Variants in ASNS observed in about 807,000 individuals in gnomAD.
ASNS encodes asparagine synthetase (glutamine-hydrolyzing), also known as asparagine synthetase [glutamine-hydrolyzing].
ASNS carries 37 observed loss-of-function variants against 62.6 expected under a neutral mutation model. The observed-to-expected ratio is 0.59, with a 90% CI of 0.45 to 0.78. ASNS has a LOEUF of 0.78. Ranked by LOEUF, ASNS falls within the 30% of genes least tolerant of loss-of-function variation. The pLI is 0.00. For missense variants in ASNS, 520 were observed against 682.4 expected (o/e 0.76, Z 2.65); for synonymous variants, 207 against 237.9 (o/e 0.87, Z 1.19).
intron 3 of ASNS, among the ~76,000 whole-genome samples, chr7:97,866,866 G>T (rs1217144140): frequency 6.6e-6 from 1 of 152,158 alleles, no homozygotes; most frequent in Non-Finnish European, 1.5e-5. Flanking sequence ...GTAACTAGCA[G>T]GTGGGGGCCT....
At chr7:97,927,233 CTT>C in the ASNS span, among the ~76,000 whole-genome samples, 1 of 152,140 alleles carries the variant, frequency 6.6e-6, no homozygotes, top group African/African-American at 2.4e-5. Context: ...AACCTTGTCT[CTT>C]GTGATGCACC....
intron 4 of ASNS, chr7:97,863,028 T>A (rs934483558): frequency 3.9e-5 from 6 of 152,338 alleles, no homozygotes; most frequent in African/African-American, 1.2e-4. Flanking sequence ...GAAATTTTAA[T>A]ACACTGCTGG....
chr7:97,919,072 T>G, the ASNS span, among the ~76,000 whole-genome samples: 1 of 147,670 alleles, frequency 6.8e-6, no homozygotes, highest in African/African-American at 2.6e-5. Context: ...TACATAAATA[T>G]TTTTTTTTTG....
At chr7:97,856,912 C>T in intron 7 of ASNS, 96 bp from the exon 8 acceptor site, 3 of 1,278,420 alleles carry the variant, frequency 2.3e-6, no homozygotes, top group Non-Finnish European at 3.3e-6. Context: ...TATGAATTAA[C>T]AATGGTGAAA....
At chr7:97,876,225 T>G (rs530820999), upstream of ASNS, among the ~76,000 whole-genome samples, 92 of 152,276 alleles carry the variant, frequency 6.0e-4, no homozygotes, top group African/African-American at 2.1e-3. Flanking sequence ...GATGTGAAGG[T>G]GAAAAGCAGA....
chr7:97,864,446 T>A lies in ASNS; in HGVS notation c.300A>T (p.Ile100=). ...CTCCTTTGTCATAAAGATGAAGGAT[T>A]ATCTCACCATCCACTTTGGTCTGGT... ...FEYQTKVDGE[I]ILHLYDKGGI... The change falls in exon 4 of 13, where the codon ATA becomes ATT. Residue 100 remains isoleucine, a synonymous_variant. Transcript: ENST00000394308. 1 of 1,613,978 alleles carries A rather than the reference T, an allele frequency of 6.2e-7. No individual in the cohort carries two copies.
chr7:97,916,108 C>A, the ASNS span, among the ~76,000 whole-genome samples: 1 of 152,158 alleles, frequency 6.6e-6, no homozygotes, highest in Non-Finnish European at 1.5e-5. Context: ...TCCAGCCAGG[C>A]ATGGTGGCTC....
intron 9 of ASNS, 139 bp from the exon 10 acceptor site, chr7:97,854,819 T>A: frequency 6.8e-7 from 1 of 1,467,690 alleles, no homozygotes. Flanking sequence ...TGAACAGAGG[T>A]AAGCAATGCT....
chr7:97,862,974 C>A (rs986675689), intron 4 of ASNS: 1 of 152,110 alleles, frequency 6.6e-6, no homozygotes, highest in African/African-American at 2.4e-5. Flanking sequence ...ACTAGAATGG[C>A]TAGAATTAAA....
At chr7:97,885,772 T>C in the ASNS span, 2 of 247,630 alleles carry the variant, frequency 8.1e-6, no homozygotes, top group African/African-American at 4.4e-5. Context: ...GGTCAACATG[T>C]ATAAAATATT....
intron 4 of ASNS, among the ~76,000 whole-genome samples, chr7:97,860,999 A>G (rs1562818260): frequency 6.9e-6 from 1 of 144,816 alleles, no homozygotes; most frequent in African/African-American, 2.6e-5. Flanking sequence ...TAAGTGGATT[A>G]GTTCAAAACT....
At chr7:97,857,729 C>A (rs781259973) in intron 7 of ASNS, among the ~76,000 whole-genome samples, 4 of 152,004 alleles carry the variant, frequency 2.6e-5, no homozygotes, top group Admixed American at 6.6e-5. Flanking sequence ...GACCTCCCCC[C>A]ACAGCCTCCC....
Position 97,868,910 on chromosome 7 carries a change from T to C in ASNS, c.247A>G (p.Lys83Glu). The C allele has an allele frequency of 6.2e-7, 1 of 1,613,814 alleles. No homozygotes were observed. The highest frequency in any genetic ancestry group is 8.5e-7 in the Non-Finnish European group (1 of 1,179,946). Residue 83 changes from lysine (K) to glutamate (E), a missense_variant and splice_region_variant, in exon 3 of 13, where the codon AAG becomes GAG. Transcript: ENST00000394308. ...ACATCTGGTTTCTTTCTCCTCACCT[T>C]CTTATGGTTGTAGATTTCACCATTG... Reference protein sequence around the residue: ...CYNGEIYNHKKMQQHFEFEYQ... With the variant: ...CYNGEIYNHKEMQQHFEFEYQ...
chr7:97,903,259 T>A, the ASNS span, among the ~76,000 whole-genome samples: 4 of 132,294 alleles, frequency 3.0e-5, no homozygotes, highest in Non-Finnish European at 6.6e-5. Flanking sequence ...TTTTTTTTTT[T>A]AATCAGCCTG....
chr7:97,856,827 A>G lies in ASNS; in HGVS notation c.904-11T>C. 6.3e-7 allele frequency: 1 copy of G among 1,591,926 alleles called. No homozygotes were observed. The highest frequency in any genetic ancestry group is 1.1e-5 in the South Asian group (1 of 87,930). On this transcript the variant is annotated splice_polypyrimidine_tract_variant and intron_variant, in intron 7 of 12. Coordinates refer to ENST00000394308, the MANE Select transcript of ASNS (RefSeq NM_001673.5). ...AATATGATCTGCCACCTTATTATAT[A>G]AAGAAATACCCATTTACTTGTTAAA...
the ASNS span, among the ~76,000 whole-genome samples, chr7:97,883,250 G>C: frequency 6.6e-6 from 1 of 152,108 alleles, no homozygotes; most frequent in South Asian, 2.1e-4. Flanking sequence ...CATAGGGAAG[G>C]AGGAGTTGTT....
upstream of ASNS, among the ~76,000 whole-genome samples, chr7:97,877,340 A>G (rs1195377551): frequency 1.3e-5 from 2 of 152,040 alleles, no homozygotes; most frequent in Non-Finnish European, 2.9e-5. Flanking sequence ...TGATCCACCC[A>G]CCTTAGCCTC....
the ASNS span, chr7:97,928,114 T>A: frequency 6.5e-7 from 1 of 1,530,140 alleles, no homozygotes; most frequent in Non-Finnish European, 8.7e-7. Flanking sequence ...TGGGTGCCGG[T>A]CTCCTCCCTG....
chr7:97,865,959 C>T (rs971715327), intron 3 of ASNS, among the ~76,000 whole-genome samples: 9 of 152,148 alleles, frequency 5.9e-5, no homozygotes, highest in African/African-American at 2.2e-4. Flanking sequence ...TTTACACCTG[C>T]ATTTTGACTG....
Sources: gnomAD v4.1 joint callset for allele counts (sites outside exome capture counted in the v4.1 genomes callset) on GRCh38, gnomAD v4.1.1 for gene constraint, MANE v1.5 for transcripts, NCBI Gene and HGNC (gene_info 2026-07-23, HGNC 2026-07-21) for gene names.